UTRN: variants seen among roughly 807,000 people sequenced by gnomAD.
UTRN encodes the protein utrophin.
Under a neutral mutation model 463.9 loss-of-function variants are expected in UTRN, and 283 were observed. That is an observed-to-expected ratio of 0.61 (90% CI 0.55 to 0.67). UTRN has a LOEUF of 0.67. Ranked by LOEUF, UTRN falls within the 30% of genes least tolerant of loss-of-function variation. UTRN has a pLI of 0.00. For synonymous variants in UTRN, 1,442 were observed against 1,431.5 expected, an observed-to-expected ratio of 1.01 and a Z score of -0.17; for missense variants, 3,922 against 4,084.3, an observed-to-expected ratio of 0.96 and a Z score of 1.08.
chr6:144,362,448 G>A (rs1261928543), intron 2 of UTRN, among the ~76,000 whole-genome samples: 5 of 152,212 alleles, frequency 3.3e-5, no homozygotes, highest in Admixed American at 3.3e-4. Context: ...CTAAATAGCT[G>A]AGGTCATTGC....
intron 61 of UTRN, among the ~76,000 whole-genome samples, chr6:144,788,756 T>C (rs1217458989): frequency 6.6e-6 from 1 of 152,104 alleles, no homozygotes; most frequent in Non-Finnish European, 1.5e-5. Context: ...AGAGATGTGG[T>C]TTCTCCATGT....
chr6:144,412,118 A>G (rs1783948836), intron 3 of UTRN, among the ~76,000 whole-genome samples: 1 of 152,164 alleles, frequency 6.6e-6, no homozygotes, highest in Non-Finnish European at 1.5e-5. Context: ...CGTTGATTCA[A>G]CTACACATTT....
intron 51 of UTRN, among the ~76,000 whole-genome samples, chr6:144,673,179 C>T (rs1042266178): frequency 2.6e-5 from 4 of 152,076 alleles, no homozygotes; most frequent in Non-Finnish European, 5.9e-5. Flanking sequence ...CTGCAAATAT[C>T]TGTTAAGCCC....
chr6:144,846,755 A>C (rs757667226), intron 73 of UTRN, 50 bp from the exon 74 acceptor site: 1 of 1,613,718 alleles, frequency 6.2e-7, no homozygotes, highest in African/African-American at 1.3e-5. Context: ...GTTGGAACCA[A>C]CAAAGTAACA....
At chr6:144,835,649 T>G (rs1031363054) in intron 69 of UTRN, 131 bp from the exon 70 acceptor site, 11 of 1,171,796 alleles carry the variant, frequency 9.4e-6, no homozygotes, top group Non-Finnish European at 1.3e-5. Flanking sequence ...AGGGAGGTCA[T>G]GGAGACACTG....
chr6:144,495,668 C>A (rs183818517), intron 33 of UTRN, among the ~76,000 whole-genome samples: 318 of 151,626 alleles, frequency 2.1e-3, no homozygotes, highest in African/African-American at 7.4e-3. Flanking sequence ...CGAGAGCGAG[C>A]GAGGGCTGTG....
chr6:144,437,813 T>C, intron 11 of UTRN, 67 bp downstream of exon 11: 1 of 1,447,472 alleles, frequency 6.9e-7, no homozygotes, highest in South Asian at 1.5e-5. Context: ...CTCTAGTAGA[T>C]GTCTGCATGT....
intron 51 of UTRN, among the ~76,000 whole-genome samples, chr6:144,667,620 A>G (rs1026970249): frequency 6.6e-6 from 1 of 152,226 alleles, no homozygotes; most frequent in Non-Finnish European, 1.5e-5. Context: ...GCAAAACACT[A>G]TCTGCACACC....
intron 50 of UTRN, among the ~76,000 whole-genome samples, chr6:144,564,091 T>C (rs375679921): frequency 3.9e-5 from 6 of 152,294 alleles, no homozygotes; most frequent in African/African-American, 1.4e-4. Flanking sequence ...TGACCAGCCC[T>C]AAAGATTCAA....
At chr6:144,354,963 T>C (rs755945101) in intron 2 of UTRN, among the ~76,000 whole-genome samples, 2 of 152,178 alleles carry the variant, frequency 1.3e-5, no homozygotes, top group African/African-American at 4.8e-5. Flanking sequence ...CTTTAGACCA[T>C]GAGCCTGAAG....
chr6:144,444,171 T>C (rs1336907742), intron 13 of UTRN, 110 bp from the exon 14 acceptor site: 2 of 846,296 alleles, frequency 2.4e-6, no homozygotes, highest in African/African-American at 3.6e-5. Flanking sequence ...ATACTTTTTA[T>C]AAGTTGTTAT....
chr6:144,511,002 G>C lies in UTRN; in HGVS notation c.4823G>C (p.Ser1608Thr), dbSNP rs371480106. 2 of 1,613,148 alleles carry C rather than the reference G, an allele frequency of 1.2e-6. No individual in the cohort carries two copies. Among genetic ancestry groups the C allele is most frequent in the African/African-American group, 2.7e-5 (2 of 74,924 alleles). Residue 1608 changes from serine (S) to threonine (T), a missense_variant, in exon 35 of 75, where the codon AGT (serine) becomes ACT (threonine). Ser to Thr is a moderately conservative substitution (Grantham distance 58). Transcript: ENST00000367545. The part of the protein sequence containing the change: ...KADLNTITES[S>T]AALQNLIEGS... ...GATTTAAATACCATCACAGAGAGTA[G>C]TGCTGCCCTGCAAAACTTGATTGAG...
Position 144,328,474 on chromosome 6 carries a change from A to G in UTRN, c.79+36567A>G, listed in dbSNP as rs544014543. On this transcript the variant is annotated intron_variant, in intron 2 of 74. Transcript: ENST00000367545. ...CTGTTAAGTAACTCTTAAACTTGTT[A>G]ATGTCTCTTGGGAATTTCTTCTTTT... 2.4e-3 allele frequency among the ~76,000 whole-genome samples: 360 copies of G among 152,278 alleles called. 1 individual carries two copies. Among genetic ancestry groups the G allele is most frequent in the Middle Eastern group, 0.01 (3 of 294 alleles).
chr6:144,301,298 C>T (rs997072532), intron 2 of UTRN, among the ~76,000 whole-genome samples: 5 of 152,082 alleles, frequency 3.3e-5, no homozygotes, highest in African/African-American at 4.8e-5. Context: ...ATTATTTGAA[C>T]TTGCATACGC....
intron 14 of UTRN, among the ~76,000 whole-genome samples, chr6:144,445,815 C>A (rs1053473147): frequency 6.6e-6 from 1 of 151,952 alleles, no homozygotes; most frequent in East Asian, 1.9e-4. Flanking sequence ...GAGGCCGAGG[C>A]GGGCAGATCA....
chr6:144,585,954 A>G (rs189227836), intron 51 of UTRN, among the ~76,000 whole-genome samples: 10 of 152,290 alleles, frequency 6.6e-5, no homozygotes, highest in Admixed American at 3.3e-4. Flanking sequence ...AAATTTGACT[A>G]TTTAAAATTC....
chr6:144,324,724 T>C (rs1237203725), intron 2 of UTRN, among the ~76,000 whole-genome samples: 1 of 152,258 alleles, frequency 6.6e-6, no homozygotes, highest in Non-Finnish European at 1.5e-5. Flanking sequence ...CATTGCTTGC[T>C]GTCATGTTGC....
intron 2 of UTRN, among the ~76,000 whole-genome samples, chr6:144,364,278 T>C (rs989553584): frequency 6.6e-6 from 1 of 152,182 alleles, no homozygotes; most frequent in African/African-American, 2.4e-5. Flanking sequence ...TATTGGTTTG[T>C]TGATTAGGAA....
At chr6:144,622,181 G>GTTTTTT (rs1290959363) in intron 51 of UTRN, among the ~76,000 whole-genome samples, 11 of 73,720 alleles carry the variant, frequency 1.5e-4, no homozygotes, top group Admixed American at 3.0e-4. Context: ...ATTTTTTTTT[G>GTTTTTT]TTGTTTTTTT....
Sources: gnomAD v4.1 joint callset for allele counts (sites outside exome capture counted in the v4.1 genomes callset) on GRCh38, gnomAD v4.1.1 for gene constraint, MANE v1.5 for transcripts, NCBI Gene and HGNC (gene_info 2026-07-23, HGNC 2026-07-21) for gene names.